The following GRIN2B variants were observed in gnomAD, a reference collection of about 807,000 sequenced individuals.
GRIN2B encodes the protein glutamate ionotropic receptor NMDA type subunit 2B, also known as glutamate receptor ionotropic, NMDA 2B.
GRIN2B carries 5 observed loss-of-function variants against 114.5 expected under a neutral mutation model. The observed-to-expected ratio is 0.04, with a 90% CI of 0.02 to 0.09. GRIN2B has a LOEUF of 0.09. Ranked by LOEUF, GRIN2B falls within the 10% of genes least tolerant of loss-of-function variation. The pLI, the probability that GRIN2B is intolerant of heterozygous loss-of-function variation, is 1.00. For missense variants in GRIN2B, 1,108 were observed against 1,943.5 expected, an observed-to-expected ratio of 0.57 and a Z score of 8.08; for synonymous variants, 787 against 745.1, an observed-to-expected ratio of 1.06 and a Z score of -0.92.
At chr12:13,570,052 G>A (rs759160014) in intron 11 of GRIN2B, 35 bp from the exon 12 acceptor site, 1 of 1,467,350 alleles carries the variant, frequency 6.8e-7, no homozygotes, top group Admixed American at 1.7e-5. Flanking sequence ...TCCAATGGAG[G>A]AATTTTAGAA....
At chr12:13,907,508 A>G (rs986087600) in intron 2 of GRIN2B, among the ~76,000 whole-genome samples, 3 of 151,996 alleles carry the variant, frequency 2.0e-5, no homozygotes, top group African/African-American at 7.2e-5. Flanking sequence ...AAAAAAAAAA[A>G]AAGTCCTCCA....
chr12:13,689,847 C>T (rs1421116082), intron 4 of GRIN2B, among the ~76,000 whole-genome samples: 2 of 152,148 alleles, frequency 1.3e-5, no homozygotes, highest in South Asian at 4.1e-4. Context: ...ACACTTTCTG[C>T]CTCTTCCATT....
At chr12:13,742,303 G>A (rs1363968024) in intron 4 of GRIN2B, among the ~76,000 whole-genome samples, 1 of 152,082 alleles carries the variant, frequency 6.6e-6, no homozygotes, top group Non-Finnish European at 1.5e-5. Context: ...CTGTTGGTTT[G>A]CCTATCTGAT....
intron 3 of GRIN2B, among the ~76,000 whole-genome samples, chr12:13,828,482 G>A (rs1208009523): frequency 1.3e-5 from 2 of 151,984 alleles, no homozygotes; most frequent in African/African-American, 2.4e-5. Flanking sequence ...GCATATTACC[G>A]GAGCTCCTTC....
At chr12:13,979,354 T>C (rs566186648) in intron 2 of GRIN2B, among the ~76,000 whole-genome samples, 6 of 152,004 alleles carry the variant, frequency 3.9e-5, no homozygotes, top group African/African-American at 9.6e-5. Flanking sequence ...CCTCCCGGGA[T>C]CTCTGGGCCC....
chr12:13,771,533 A>G (rs1471689586), intron 3 of GRIN2B, among the ~76,000 whole-genome samples: 3 of 152,380 alleles, frequency 2.0e-5, no homozygotes, highest in Non-Finnish European at 4.4e-5. Flanking sequence ...TCAAATCTGA[A>G]TACTTAGCTG....
intron 4 of GRIN2B, among the ~76,000 whole-genome samples, chr12:13,693,481 C>T (rs1950231960): frequency 1.3e-5 from 2 of 152,198 alleles, no homozygotes; most frequent in African/African-American, 2.4e-5. Context: ...GCAAGCTCTC[C>T]AGTATTTTTA....
At chr12:13,584,848 G>A (rs1392003592) in intron 10 of GRIN2B, among the ~76,000 whole-genome samples, 1 of 152,208 alleles carries the variant, frequency 6.6e-6, no homozygotes, top group Non-Finnish European at 1.5e-5. Flanking sequence ...GTGTGTGACA[G>A]GTGGCCTTCG....
intron 4 of GRIN2B, among the ~76,000 whole-genome samples, chr12:13,699,065 A>G (rs926245425): frequency 6.6e-5 from 10 of 152,226 alleles, no homozygotes; most frequent in African/African-American, 2.4e-4. Context: ...CAGAATAAAA[A>G]TTAGGCACAT....
At chr12:13,731,920 A>T (rs1015622286) in intron 4 of GRIN2B, among the ~76,000 whole-genome samples, 10 of 152,326 alleles carry the variant, frequency 6.6e-5, no homozygotes, top group African/African-American at 2.4e-4. Context: ...TACCTTCCAG[A>T]GTAAAGTTAA....
At chr12:13,936,964 G>C (rs964964505) in intron 2 of GRIN2B, among the ~76,000 whole-genome samples, 2 of 151,732 alleles carry the variant, frequency 1.3e-5, no homozygotes, top group African/African-American at 4.8e-5. Context: ...TGGTGAACTT[G>C]AAGACAGATT....
intron 2 of GRIN2B, among the ~76,000 whole-genome samples, chr12:13,943,541 T>C (rs1166519302): frequency 1.3e-5 from 2 of 152,182 alleles, no homozygotes; most frequent in African/African-American, 4.8e-5. Flanking sequence ...CTCCGTGATC[T>C]CATCTCTCCC....
chr12:13,951,950 T>C (rs1463157498), intron 2 of GRIN2B, among the ~76,000 whole-genome samples: 2 of 152,196 alleles, frequency 1.3e-5, no homozygotes, highest in African/African-American at 4.8e-5. Context: ...TTGCTTGCAA[T>C]AGATTAATAC....
chr12:13,620,497 C>T (rs1365080048), intron 5 of GRIN2B, among the ~76,000 whole-genome samples: 1 of 152,182 alleles, frequency 6.6e-6, no homozygotes, highest in African/African-American at 2.4e-5. Context: ...AAACGTCAAC[C>T]AGCTCACCAC....
chr12:13,807,606 G>A (rs1363418004), intron 3 of GRIN2B, among the ~76,000 whole-genome samples: 10 of 151,464 alleles, frequency 6.6e-5, no homozygotes, highest in African/African-American at 2.2e-4. Context: ...GCTTGATTAC[G>A]GAAATTAATC....
chr12:13,955,915 C>T (rs1338135753), intron 2 of GRIN2B, among the ~76,000 whole-genome samples: 1 of 152,086 alleles, frequency 6.6e-6, no homozygotes, highest in Non-Finnish European at 1.5e-5. Context: ...TGGCACCAGA[C>T]GCGTATATTA....
chr12:13,711,110 A>G (rs75783177), intron 4 of GRIN2B, among the ~76,000 whole-genome samples: 23,980 of 152,174 alleles, frequency 0.16, 2,488 homozygotes, highest in Non-Finnish European at 0.23. Flanking sequence ...CAAACCTGAC[A>G]AAAACAAGAA....
chr12:13,787,118 C>T (rs990177185), intron 3 of GRIN2B, among the ~76,000 whole-genome samples: 1 of 152,080 alleles, frequency 6.6e-6, no homozygotes, highest in Non-Finnish European at 1.5e-5. Flanking sequence ...TTAAAATAGG[C>T]ATAACTGTTA....
intron 5 of GRIN2B, among the ~76,000 whole-genome samples, chr12:13,675,314 G>A (rs1950062631): frequency 1.3e-5 from 2 of 152,088 alleles, no homozygotes; most frequent in Non-Finnish European, 2.9e-5. Flanking sequence ...GAGAGATTGA[G>A]CAGAGCCTTG....
Sources: allele counts gnomAD v4.1 joint callset (sites outside exome capture counted in the v4.1 genomes callset), GRCh38; gene constraint gnomAD v4.1.1; transcripts MANE v1.5; gene names NCBI Gene and HGNC (gene_info 2026-07-23, HGNC 2026-07-21).